The following SNED1 variants were observed in gnomAD, a reference collection of about 807,000 sequenced individuals.
SNED1 encodes sushi, nidogen and EGF-like domain-containing protein 1.
SNED1 carries 81 observed loss-of-function variants against 166.7 expected under a neutral mutation model. That is an observed-to-expected ratio of 0.49 (90% confidence interval 0.41 to 0.58). SNED1 has a LOEUF of 0.58. Among genes scored for constraint, SNED1 ranks in the 20% least tolerant of loss-of-function variants. SNED1 has a pLI of 0.00. For missense variants in SNED1, 1,604 were observed against 2,000.2 expected (o/e 0.80, Z 3.78); for synonymous variants, 762 against 822.0 (o/e 0.93, Z 1.25).
intron 16 of SNED1, among the ~76,000 whole-genome samples, chr2:241,061,242 AC>A (rs1267783023): frequency 6.6e-6 from 1 of 152,238 alleles, no homozygotes; most frequent in Non-Finnish European, 1.5e-5. Context: ...AAGAAGAGAT[AC>A]AAAAGGCCAA....
In SNED1 at chr2:241,052,481, G is replaced by C; in HGVS notation, c.2083+13G>C. ...CGGTGCCAGGCAGGTGAGAGGGTCAGGGGGATCAAGCAGGGTACATGGGAT... is the reference window on the plus strand; with the variant it reads ...CGGTGCCAGGCAGGTGAGAGGGTCACGGGGATCAAGCAGGGTACATGGGAT... On this transcript the variant is annotated intron_variant, in intron 15 of 31. Coordinates refer to ENST00000310397, the MANE Select transcript of SNED1 (RefSeq NM_001080437.3). The C allele has an allele frequency of 1.9e-6, 3 of 1,583,684 alleles. No homozygotes were observed. The highest frequency in any genetic ancestry group is 2.6e-6 in the Non-Finnish European group (3 of 1,161,334).
chr2:241,049,976 A>G, intron 12 of SNED1, 43 bp downstream of exon 12: 3 of 1,462,500 alleles, frequency 2.1e-6, no homozygotes, highest in Non-Finnish European at 2.9e-6. Context: ...AGCACCCTGG[A>G]GAGCGCCCGC....
At chr2:241,037,624 C>T (rs2061413898) in intron 6 of SNED1, among the ~76,000 whole-genome samples, 1 of 152,334 alleles carries the variant, frequency 6.6e-6, no homozygotes, top group South Asian at 2.1e-4. Flanking sequence ...GGCCAGTGCC[C>T]AGGTCCCAAA....
At chr2:241,063,375 G>A in intron 17 of SNED1, 1 of 593,714 alleles carries the variant, frequency 1.7e-6, no homozygotes, top group Non-Finnish European at 3.1e-6. Flanking sequence ...GCATGGCCTG[G>A]AGGTGGGGCT....
chr2:241,011,061 G>A (rs992088451), intron 1 of SNED1, among the ~76,000 whole-genome samples: 18 of 151,914 alleles, frequency 1.2e-4, no homozygotes, highest in Admixed American at 6.6e-5. Flanking sequence ...CCTGCCTGGG[G>A]GTGGCAGGTC....
intron 1 of SNED1, among the ~76,000 whole-genome samples, chr2:241,019,865 G>A (rs1220578375): frequency 6.6e-6 from 1 of 152,168 alleles, no homozygotes; most frequent in Admixed American, 6.5e-5. Flanking sequence ...GGCTTTTTCT[G>A]TAGAGGGCCA....
chr2:241,048,856 C>A, intron 10 of SNED1, 90 bp downstream of exon 10: 2 of 1,262,214 alleles, frequency 1.6e-6, no homozygotes, highest in Non-Finnish European at 2.2e-6. Flanking sequence ...TCCGTAGGTC[C>A]AGACTGTCGA....
At chr2:241,090,868 C>CAAAA (rs371271027) in intron 31 of SNED1, among the ~76,000 whole-genome samples, 3 of 100,796 alleles carry the variant, frequency 3.0e-5, no homozygotes, top group African/African-American at 7.6e-5. Context: ...CCCTCTGTCT[C>CAAAA]AAAAAAAAAA....
At position 241,064,999 on chromosome 2, in the gene SNED1, G is replaced by T. The variant is rs771583811; in HGVS notation, c.2713+42G>T. The stretch of plus-strand genomic sequence containing the variant: ...CCTCCAGTGAGGGAGCCACGAGGGG[G>T]TCCCCTCTCCCTAGAGGGCCCAACG... On this transcript the variant is annotated intron_variant, in intron 20 of 31. Transcript: ENST00000310397. This position sits in a 1 kb window ranked among gnomAD's most constrained non-coding sequence, Gnocchi z 7.0. 1.1e-5 allele frequency: 16 copies of T among 1,440,246 alleles called. No individual in the cohort carries two copies. Among genetic ancestry groups the T allele is most frequent in the Non-Finnish European group, 1.4e-5 (15 of 1,063,200 alleles). The allele number at this position is 1,440,246 out of a possible 1,614,324, so 89.2% of individuals were successfully genotyped here.
At chr2:241,020,424 G>A (rs541403504) in intron 1 of SNED1, among the ~76,000 whole-genome samples, 33 of 152,320 alleles carry the variant, frequency 2.2e-4, no homozygotes, top group Admixed American at 5.9e-4. Context: ...CCCAGGCATC[G>A]GGGGCCCCGT....
At chr2:241,005,296 C>G (rs1450101018) in intron 1 of SNED1, among the ~76,000 whole-genome samples, 1 of 152,084 alleles carries the variant, frequency 6.6e-6, no homozygotes, top group African/African-American at 2.4e-5. Flanking sequence ...CTCTGCCTCC[C>G]GGGTTCAAAT....
chr2:241,049,415 T>C (rs2061761227), intron 11 of SNED1, among the ~76,000 whole-genome samples: 1 of 152,248 alleles, frequency 6.6e-6, no homozygotes, highest in Non-Finnish European at 1.5e-5. Flanking sequence ...ATTAAAATAT[T>C]TAATGCATAC....
chr2:241,063,263 T>G, intron 17 of SNED1: 1 of 488,278 alleles, frequency 2.0e-6, no homozygotes, highest in Non-Finnish European at 3.8e-6. Flanking sequence ...TCGCTAGGGC[T>G]CTAAGCCTGA....
rs377147382 is a variant in SNED1 at position 241,048,409 on chromosome 2, C to T, written c.1368C>T (p.Pro456=). Residue 456 remains proline, a synonymous_variant, in exon 9 of 32, where the codon CCC becomes CCT. Coordinates refer to ENST00000310397, the MANE Select transcript of SNED1 (RefSeq NM_001080437.3). ...ACCAGGGCTACGTGTGCGAGTGCCC[C>T]GAAGGCTTCATGGGCCTGGACTGCA... The part of the protein sequence containing the change: ...DADQGYVCEC[P]EGFMGLDCRE... 67 of 1,610,994 alleles carry T rather than the reference C, an allele frequency of 4.2e-5. No individual in the cohort carries two copies. The African/African-American group carries it at 7.6e-4, about 18-fold the overall frequency.
rs577664746 is a variant in SNED1, at chr2:241,073,156, C to G, written c.3818-110C>G. 2.6e-6 allele frequency: 2 copies of G among 770,714 alleles called. No homozygotes were observed. Among genetic ancestry groups the G allele is most frequent in the East Asian group, 5.4e-5 (2 of 36,888 alleles). The allele number at this position is 770,714 out of a possible 1,614,324, so 47.7% of individuals were successfully genotyped here. ...GGCCACGCAGGGAGCCTGGTCCCCA[C>G]CAGGGACATCCGTGCTCCCTGAGAT... On this transcript the variant is annotated intron_variant, in intron 26 of 31. Coordinates refer to ENST00000310397, the MANE Select transcript of SNED1 (RefSeq NM_001080437.3). The surrounding 1 kb of genome is among the most constrained non-coding windows in gnomAD (Gnocchi z 6.6).
At chr2:241,042,148 A>AGG (rs1267634954) in intron 8 of SNED1, among the ~76,000 whole-genome samples, 1 of 152,146 alleles carries the variant, frequency 6.6e-6, no homozygotes, top group Non-Finnish European at 1.5e-5. Flanking sequence ...CTGAGGCAGG[A>AGG]GGGAGCATGA....
In SNED1 at chr2:241,064,772, G is replaced by A; in HGVS notation, c.2600-72G>A. On this transcript the variant is annotated intron_variant, in intron 19 of 31. Transcript: ENST00000310397. This position sits in a 1 kb window ranked among gnomAD's most constrained non-coding sequence, Gnocchi z 7.0. The stretch of plus-strand genomic sequence containing the variant: ...ACGCAGGAGGGACCCAGTGCCCCAG[G>A]AGCAAGGGCGGGGCTGGAGCAGGGA... 2 of 1,116,012 alleles carry A rather than the reference G, an allele frequency of 1.8e-6. No homozygotes were observed. Among genetic ancestry groups the A allele is most frequent in the Non-Finnish European group, 2.5e-6 (2 of 794,650 alleles). The allele number at this position is 1,116,012 out of a possible 1,614,324, so 69.1% of individuals were successfully genotyped here.
In SNED1 at chr2:241,030,465, A is replaced by C. The variant is rs2061132436; in HGVS notation, c.395A>C (p.Glu132Ala). Residue 132 changes from glutamate (E) to alanine (A), a missense_variant, in exon 2 of 32, where the codon GAG becomes GCG. By Grantham distance (107) the Glu-to-Ala change is moderately radical. Transcript: ENST00000310397. ...TDPAMLRRAT[E>A]DVRHYFPELL... ...CCAGCCATGCTGCGCCGAGCCACGG[A>C]GGACGTCAGGCACTACTTCCCCGAG... The C allele has an allele frequency of 1.2e-6, 2 of 1,613,738 alleles. No individual in the cohort carries two copies. The highest frequency in any genetic ancestry group is 3.3e-5 in the Admixed American group (2 of 59,998).
intron 1 of SNED1, among the ~76,000 whole-genome samples, chr2:241,012,316 CAT>C (rs770977314): frequency 2.0e-4 from 31 of 152,204 alleles, no homozygotes; most frequent in Admixed American, 3.9e-4. Flanking sequence ...GGGTACAAAA[CAT>C]AAACGTGCAA....
Sources: allele counts gnomAD v4.1 joint callset (sites outside exome capture counted in the v4.1 genomes callset), GRCh38; gene constraint gnomAD v4.1.1; non-coding constraint Gnocchi (gnomAD v3.1); transcripts MANE v1.5; gene names NCBI Gene and HGNC (gene_info 2026-07-23, HGNC 2026-07-21).